SORT1: variants seen among roughly 807,000 people sequenced by gnomAD.
SORT1 encodes sortilin.
In SORT1, 39 loss-of-function variants were observed where a neutral mutation model predicts 101.7. The ratio of observed to expected loss-of-function variants is 0.38; its 90% confidence interval spans 0.30 to 0.50. The LOEUF (loss-of-function observed/expected upper bound fraction) is 0.50, where lower values mean the gene tolerates loss of function less well. Ranked by LOEUF, SORT1 falls within the 20% of genes least tolerant of loss-of-function variation. The pLI is 0.90. For missense variants in SORT1, 878 were observed against 1,040.4 expected (o/e 0.84, Z 2.15); for synonymous variants, 396 against 393.7 (o/e 1.01, Z -0.07).
intron 3 of SORT1, among the ~76,000 whole-genome samples, chr1:109,357,384 A>C (rs1650396685): frequency 6.6e-6 from 1 of 152,258 alleles, no homozygotes; most frequent in African/African-American, 2.4e-5. Context: ...ACAAATAAAG[A>C]ATTGCAGAAC....
At chr1:109,392,920 T>C in intron 1 of SORT1, 2 of 985,272 alleles carry the variant, frequency 2.0e-6, no homozygotes, top group Non-Finnish European at 2.4e-6. Context: ...CAAGAGACTA[T>C]TAAATAAGCT....
intron 1 of SORT1, among the ~76,000 whole-genome samples, chr1:109,384,343 A>G (rs1156609904): frequency 2.6e-5 from 4 of 152,222 alleles, no homozygotes; most frequent in African/African-American, 4.8e-5. Context: ...AATATTAGAA[A>G]TCTGCTTTCT....
intron 6 of SORT1, among the ~76,000 whole-genome samples, chr1:109,348,661 T>C (rs573758110): frequency 7.2e-5 from 11 of 152,164 alleles, no homozygotes; most frequent in African/African-American, 2.6e-4. Context: ...GCTTTTTTTT[T>C]CATTAATTTT....
At chr1:109,380,953 G>GA (rs1652189967) in intron 1 of SORT1, among the ~76,000 whole-genome samples, 1 of 151,096 alleles carries the variant, frequency 6.6e-6, no homozygotes, top group Non-Finnish European at 1.5e-5. Context: ...GAAAGAAAAA[G>GA]AAAAATATGA....
At chr1:109,356,359 A>G (rs1006787923) in intron 3 of SORT1, among the ~76,000 whole-genome samples, 4 of 152,218 alleles carry the variant, frequency 2.6e-5, no homozygotes, top group African/African-American at 4.8e-5. Flanking sequence ...GTGAACACAC[A>G]GTAAAGACTG....
intron 15 of SORT1, among the ~76,000 whole-genome samples, chr1:109,322,696 ATTTT>A (rs1266344436): frequency 6.6e-6 from 1 of 151,430 alleles, no homozygotes; most frequent in South Asian, 2.1e-4. Flanking sequence ...TGCCCTGCTA[ATTTT>A]TTTTTGTTTG....
chr1:109,342,994 T>G (rs1478283964), intron 8 of SORT1, among the ~76,000 whole-genome samples: 1 of 152,196 alleles, frequency 6.6e-6, no homozygotes, highest in African/African-American at 2.4e-5. Context: ...TTCTCATTAC[T>G]GTAGGTAGAA....
chr1:109,355,644 C>CCCT (rs76704873), intron 3 of SORT1, among the ~76,000 whole-genome samples, 175 bp from the exon 4 acceptor site: 2 of 28,404 alleles, frequency 7.0e-5, no homozygotes, highest in Non-Finnish European at 1.6e-4. Flanking sequence ...ACATTCCACC[C>CCCT]GCCCCCCCCC....
rs1420591787 is a variant in SORT1 at position 109,329,477 on chromosome 1, T to C, written c.1372-1876A>G. On this transcript the variant is annotated intron_variant, in intron 11 of 19. Coordinates refer to ENST00000256637, the MANE Select transcript of SORT1 (RefSeq NM_002959.7). ...ACCATGTTAGTGAGGACGGTCTTGA[T>C]TTCCTGACCTCGTGATCCGCCCGCC... Among the ~76,000 whole-genome samples the C allele has an allele frequency of 1.5e-4, 23 of 152,218 alleles. 1 individual carries two copies. The highest frequency in any genetic ancestry group is 2.4e-5 in the African/African-American group (1 of 41,464).
chr1:109,355,645 G>GCCCCCCCCCCCCC lies in SORT1; in HGVS notation c.441-177_441-176insGGGGGGGGGGGGG, dbSNP rs67471448. ...GGTGAGTCCGAAGAACATTCCACCC[G>GCCCCCCCCCCCCC]CCCCCCCCCCCACAAACCCACTCAC... On this transcript the variant is annotated intron_variant, in intron 3 of 19. Coordinates refer to ENST00000256637, the MANE Select transcript of SORT1 (RefSeq NM_002959.7). Among the ~76,000 whole-genome samples, 2 of 90,384 alleles carry GCCCCCCCCCCCCC rather than the reference G, an allele frequency of 2.2e-5. 1 individual carries two copies. The highest frequency in any genetic ancestry group is 2.6e-4 in the Admixed American group (2 of 7,568). The allele number at this position is 90,384 out of a possible 152,430, so 59.3% of individuals were successfully genotyped here.
rs1318633642 is a variant in SORT1 at position 109,354,354 on chromosome 1, C to G, written c.708+13G>C. 4.4e-6 allele frequency: 7 copies of G among 1,606,740 alleles called. No homozygotes were observed. The African/African-American group carries it at 8.0e-5, about 18-fold the overall frequency. Reference sequence around the variant, plus strand: ...AATGCAAAAGGCAAACCATGTTCCTCAACTGGACTTACTTCAGTGCTGAGA... The same window carrying G: ...AATGCAAAAGGCAAACCATGTTCCTGAACTGGACTTACTTCAGTGCTGAGA... On this transcript the variant is annotated intron_variant, in intron 5 of 19. Coordinates refer to ENST00000256637, the MANE Select transcript of SORT1 (RefSeq NM_002959.7).
chr1:109,335,735 G>A (rs564362124), intron 11 of SORT1, among the ~76,000 whole-genome samples: 20 of 152,068 alleles, frequency 1.3e-4, no homozygotes, highest in Middle Eastern at 3.4e-3. Context: ...GCGTAGTTCC[G>A]GTTCCCAAAC....
chr1:109,323,937 C>T (rs543797691), intron 14 of SORT1, among the ~76,000 whole-genome samples: 61 of 152,282 alleles, frequency 4.0e-4, no homozygotes, highest in African/African-American at 1.4e-3. Flanking sequence ...ATTTGAACGT[C>T]TTATGGAAAT....
chr1:109,358,862 AAAAAAAAG>A (rs1650517301), intron 3 of SORT1, among the ~76,000 whole-genome samples: 1 of 152,068 alleles, frequency 6.6e-6, no homozygotes, highest in African/African-American at 2.4e-5. Context: ...TAAAAAAAAA[AAAAAAAAG>A]AAACAAGTCT....
chr1:109,386,206 C>T (rs1248338114), intron 1 of SORT1, among the ~76,000 whole-genome samples: 1 of 152,174 alleles, frequency 6.6e-6, no homozygotes, highest in Non-Finnish European at 1.5e-5. Context: ...CCAGACTACA[C>T]ATTTCATGAC....
intron 1 of SORT1, chr1:109,397,343 TAA>T (rs775626561): frequency 8.4e-4 from 121 of 143,362 alleles, no homozygotes; most frequent in Non-Finnish European, 1.2e-3. Flanking sequence ...TTTGACAACT[TAA>T]AAAAAAAAAA....
intron 11 of SORT1, 40 bp from the exon 12 acceptor site, chr1:109,327,641 A>G (rs771521746): frequency 1.9e-5 from 25 of 1,318,212 alleles, no homozygotes; most frequent in Non-Finnish European, 2.5e-5. Context: ...AACCAAAGAT[A>G]AAGATACAAT....
rs990177631 is a variant in SORT1 at position 109,310,219 on chromosome 1, A to C, written c.*3824T>G. On this transcript the variant is annotated 3_prime_UTR_variant, in exon 20 of 20. Coordinates refer to ENST00000256637, the MANE Select transcript of SORT1 (RefSeq NM_002959.7). ...CAGATTAGTTTATGTTATTCCTTAT[A>C]AACAAGTACACTTAAGAATGTACTG... 5 of 152,714 alleles carry C rather than the reference A, an allele frequency of 3.3e-5. No homozygotes were observed. The highest frequency in any genetic ancestry group is 1.2e-4 in the African/African-American group (5 of 41,466). The allele number at this position is 152,714 out of a possible 1,614,324, so 9.5% of individuals were successfully genotyped here. A position where few individuals can be genotyped will look rare whatever the true frequency, so the allele number is the denominator to read the frequency against.
chr1:109,392,835 C>A, intron 1 of SORT1: 1 of 985,150 alleles, frequency 1.0e-6, no homozygotes, highest in Non-Finnish European at 1.2e-6. Context: ...GCTCACTCTG[C>A]TCAACCAGGA....
Sources: gnomAD v4.1 joint callset for allele counts (sites outside exome capture counted in the v4.1 genomes callset) on GRCh38, gnomAD v4.1.1 for gene constraint, MANE v1.5 for transcripts, NCBI Gene and HGNC (gene_info 2026-07-23, HGNC 2026-07-21) for gene names.